The following FAM178B variants were observed in gnomAD, a reference collection of about 807,000 sequenced individuals.
FAM178B encodes family with sequence similarity 178 member B.
A neutral mutation model predicts 91.7 loss-of-function variants in FAM178B; 82 were observed. The ratio of observed to expected loss-of-function variants is 0.89; its 90% CI spans 0.75 to 1.07. The LOEUF (loss-of-function observed/expected upper bound fraction) is 1.07. Ranked by LOEUF, FAM178B falls within the 50% of genes least tolerant of loss-of-function variation. The pLI, the probability that FAM178B is intolerant of heterozygous loss-of-function variation, is 0.00. For missense variants in FAM178B, 769 were observed against 846.7 expected (o/e 0.91, Z 1.14); for synonymous variants, 368 against 359.4 (o/e 1.02, Z -0.27).
At position 96,972,596 on chromosome 2, in the gene FAM178B, G is replaced by C. The variant is rs759020017; in HGVS notation, c.84C>G (p.Ser28=). ...GGGGCCCAGCCATCTGCAAGCCGTG[G>C]GACATCTGTCCTGGAAGGAAGCGCC... ...DQRLHFTGQM[S]HGLQMAGPQE... The change falls in exon 2 of 17, where the codon TCC becomes TCG. Residue 28 remains serine, a synonymous_variant. Coordinates refer to ENST00000490605, the MANE Select transcript of FAM178B (RefSeq NM_001122646.3). 3.5e-5 allele frequency: 55 copies of C among 1,551,416 alleles called. No homozygotes were observed. The highest frequency in any genetic ancestry group is 4.7e-5 in the Non-Finnish European group (54 of 1,146,996).
At chr2:96,984,561 C>G (rs1326198221) in intron 1 of FAM178B, among the ~76,000 whole-genome samples, 1 of 152,126 alleles carries the variant, frequency 6.6e-6, no homozygotes, top group Non-Finnish European at 1.5e-5. Flanking sequence ...GGCTCTTGGG[C>G]CAGGGCTGCC....
Position 96,903,054 on chromosome 2 carries a change from T to A in FAM178B, c.1563-347A>T, listed in dbSNP as rs183159205. On this transcript the variant is annotated intron_variant, in intron 12 of 16. Coordinates refer to ENST00000490605, the MANE Select transcript of FAM178B (RefSeq NM_001122646.3). Reference sequence around the variant, plus strand: ...TGCTTATTTTATTTTATTTTATTTTTTTTGAGACGGAGTCTCGCTCTGTCG... The same window carrying A: ...TGCTTATTTTATTTTATTTTATTTTATTTGAGACGGAGTCTCGCTCTGTCG... Among the ~76,000 whole-genome samples, 10 of 152,340 alleles carry A rather than the reference T, an allele frequency of 6.6e-5. No homozygotes were observed. In the East Asian group the frequency reaches 1.4e-3, roughly 21 times the overall value.
intron 9 of FAM178B, among the ~76,000 whole-genome samples, chr2:96,925,775 C>A (rs1212192088): frequency 6.6e-6 from 1 of 152,190 alleles, no homozygotes; most frequent in Non-Finnish European, 1.5e-5. Flanking sequence ...GGCCTCTACC[C>A]AGGTCTCCGC....
At chr2:96,880,007 C>G (rs1395764288) in intron 14 of FAM178B, among the ~76,000 whole-genome samples, 1 of 152,234 alleles carries the variant, frequency 6.6e-6, no homozygotes, top group Non-Finnish European at 1.5e-5. Flanking sequence ...GGCCTGCGTG[C>G]CGGACACTAT....
At chr2:96,973,278 C>A (rs1008882808) in intron 1 of FAM178B, among the ~76,000 whole-genome samples, 8 of 152,008 alleles carry the variant, frequency 5.3e-5, no homozygotes, top group Non-Finnish European at 1.2e-4. Flanking sequence ...TGAGATGACG[C>A]CCCACCCATC....
intron 5 of FAM178B, among the ~76,000 whole-genome samples, chr2:96,965,384 T>C (rs2082130692): frequency 6.6e-6 from 1 of 152,092 alleles, no homozygotes; most frequent in African/African-American, 2.4e-5. Context: ...TCCCTGATCT[T>C]GCCCCAGGAT....
chr2:96,945,204 T>C (rs965651573), intron 8 of FAM178B, among the ~76,000 whole-genome samples: 4 of 152,132 alleles, frequency 2.6e-5, no homozygotes, highest in African/African-American at 9.7e-5. Context: ...TGCACTGAGC[T>C]CTCTGCACAG....
At chr2:96,898,054 A>G in intron 13 of FAM178B, 1 of 985,688 alleles carries the variant, frequency 1.0e-6, no homozygotes, top group Non-Finnish European at 1.2e-6. Flanking sequence ...ACTCCTGCCC[A>G]GCAGTGCCCT....
At chr2:96,890,782 T>G (rs2153368260) in intron 14 of FAM178B, among the ~76,000 whole-genome samples, 1 of 152,272 alleles carries the variant, frequency 6.6e-6, no homozygotes, top group Middle Eastern at 3.4e-3. Flanking sequence ...CTCTAAGTAT[T>G]AAACTCTCCT....
intron 8 of FAM178B, among the ~76,000 whole-genome samples, chr2:96,933,892 G>A (rs1382377048): frequency 6.6e-6 from 1 of 152,250 alleles, no homozygotes; most frequent in Non-Finnish European, 1.5e-5. Flanking sequence ...TAACTGGAGT[G>A]CGGGGCTCAC....
At chr2:96,943,062 T>C (rs2081760586) in intron 8 of FAM178B, among the ~76,000 whole-genome samples, 1 of 152,116 alleles carries the variant, frequency 6.6e-6, no homozygotes, top group African/African-American at 2.4e-5. Context: ...AAACCATAGG[T>C]GAAAATTTTC....
At chr2:96,972,631 A>G in intron 1 of FAM178B, 25 bp from the exon 2 acceptor site, 1 of 1,547,888 alleles carries the variant, frequency 6.5e-7, no homozygotes, top group Non-Finnish European at 8.7e-7. Flanking sequence ...CTGTGAGGGC[A>G]GGTGAACCTC....
chr2:96,894,956 G>T, intron 13 of FAM178B: 1 of 961,802 alleles, frequency 1.0e-6, no homozygotes. Context: ...TGCATCTGTG[G>T]GCCCACCCTC....
intron 8 of FAM178B, among the ~76,000 whole-genome samples, chr2:96,943,056 C>A (rs1559087321): frequency 6.6e-6 from 1 of 152,044 alleles, no homozygotes; most frequent in East Asian, 1.9e-4. Flanking sequence ...TAGAAGAAAC[C>A]ATAGGTGAAA....
At chr2:96,942,440 TGGA>T (rs2081748913) in intron 8 of FAM178B, among the ~76,000 whole-genome samples, 3 of 152,234 alleles carry the variant, frequency 2.0e-5, no homozygotes, top group Admixed American at 2.0e-4. Context: ...TCGCCCAGGC[TGGA>T]GTGCAGTGGT....
At chr2:96,905,846 A>T (rs866702174) in intron 12 of FAM178B, among the ~76,000 whole-genome samples, 1 of 26,920 alleles carries the variant, frequency 3.7e-5, no homozygotes, top group African/African-American at 1.5e-4. Flanking sequence ...ATATATATAT[A>T]TATATATATA....
At chr2:96,929,418 T>A in intron 8 of FAM178B, 98 bp from the exon 9 acceptor site, 1 of 861,154 alleles carries the variant, frequency 1.2e-6, no homozygotes, top group East Asian at 2.7e-5. Context: ...TGGCCCAAGA[T>A]AACCAGTTTT....
intron 8 of FAM178B, among the ~76,000 whole-genome samples, chr2:96,945,122 GTGTCTTTGC>G: frequency 6.6e-6 from 1 of 152,312 alleles, no homozygotes; most frequent in Non-Finnish European, 1.5e-5. Context: ...GGTGCTCAAT[GTGTCTTTGC>G]TGAATAAATG....
intron 9 of FAM178B, among the ~76,000 whole-genome samples, chr2:96,925,180 T>C (rs2081416339): frequency 6.6e-6 from 1 of 151,896 alleles, no homozygotes; most frequent in African/African-American, 2.4e-5. Context: ...TGCTTTCAGG[T>C]TTCTCAGCAC....
Sources: gnomAD v4.1 joint callset for allele counts (sites outside exome capture counted in the v4.1 genomes callset) on GRCh38, gnomAD v4.1.1 for gene constraint, MANE v1.5 for transcripts, NCBI Gene and HGNC (gene_info 2026-07-23, HGNC 2026-07-21) for gene names.